Variants in ADAMTSL3 observed in about 807,000 individuals in gnomAD.
ADAMTSL3 encodes ADAMTS like 3.
A neutral mutation model predicts 201.7 loss-of-function variants in ADAMTSL3; 128 were observed. The ratio of observed to expected loss-of-function variants is 0.63; its 90% CI spans 0.55 to 0.73. ADAMTSL3 has a LOEUF of 0.73. Among genes scored for constraint, ADAMTSL3 ranks in the 30% least tolerant of loss-of-function variants. The pLI, the probability that ADAMTSL3 is intolerant of heterozygous loss-of-function variation, is 0.00. For missense variants in ADAMTSL3, 1,990 were observed against 2,119.6 expected (o/e 0.94, Z 1.20); for synonymous variants, 738 against 748.4 (o/e 0.99, Z 0.23).
At chr15:83,892,363 A>G (rs1596365873) in intron 12 of ADAMTSL3, among the ~76,000 whole-genome samples, 1 of 149,590 alleles carries the variant, frequency 6.7e-6, no homozygotes, top group African/African-American at 2.5e-5. Context: ...AACCCTGTCT[A>G]TACTAAAAAT....
At chr15:83,674,750 TATACACACATATATAC>T (rs1226113174) in intron 2 of ADAMTSL3, among the ~76,000 whole-genome samples, 9 of 112,686 alleles carry the variant, frequency 8.0e-5, no homozygotes, top group East Asian at 4.3e-4. Context: ...TATATACATA[TATACACACATATATAC>T]ATATATATAT....
At chr15:83,717,750 C>T (rs1158372947) in intron 3 of ADAMTSL3, among the ~76,000 whole-genome samples, 2 of 152,074 alleles carry the variant, frequency 1.3e-5, no homozygotes, top group African/African-American at 4.8e-5. Context: ...GTGGTAACCA[C>T]ATAGAGAAGA....
At position 83,754,938 on chromosome 15, in the gene ADAMTSL3, A is replaced by G. The variant is rs142069146; in HGVS notation, c.190-18585A>G. 2.6e-5 allele frequency among the ~76,000 whole-genome samples: 4 copies of G among 152,318 alleles called. No individual in the cohort carries two copies. In the East Asian group the frequency reaches 7.7e-4, roughly 29 times the overall value. On this transcript the variant is annotated intron_variant, in intron 3 of 29. Transcript: ENST00000286744. The stretch of plus-strand genomic sequence containing the variant: ...GTCAATGGTACTTAATTTCCCTACA[A>G]CTTTCTTCCATTCACCTTCCAGATT...
intron 17 of ADAMTSL3, among the ~76,000 whole-genome samples, chr15:83,933,246 T>TA (rs1223766841): frequency 1.3e-5 from 2 of 152,074 alleles, no homozygotes; most frequent in African/African-American, 4.8e-5. Context: ...AAAAGGTAGA[T>TA]ACAGAGGAAA....
At chr15:83,730,702 A>G (rs1193552293) in intron 3 of ADAMTSL3, among the ~76,000 whole-genome samples, 2 of 151,958 alleles carry the variant, frequency 1.3e-5, no homozygotes, top group Non-Finnish European at 2.9e-5. Context: ...TGGTTTGCAA[A>G]TATTTTGTCC....
At chr15:83,771,015 G>A (rs1462923248) in intron 3 of ADAMTSL3, among the ~76,000 whole-genome samples, 2 of 152,082 alleles carry the variant, frequency 1.3e-5, no homozygotes, top group South Asian at 2.1e-4. Context: ...AGGTGGTAGT[G>A]AGCTGAGATC....
Position 84,031,623 on chromosome 15 carries a change from T to C in ADAMTSL3, c.4754+191T>C, listed in dbSNP as rs141690737. Among the ~76,000 whole-genome samples, 206 of 152,302 alleles carry C rather than the reference T, an allele frequency of 1.4e-3. 5 individuals carry two copies. The East Asian group carries it at 0.037, about 27-fold the overall frequency. On this transcript the variant is annotated intron_variant, in intron 28 of 29. Coordinates refer to ENST00000286744, the MANE Select transcript of ADAMTSL3 (RefSeq NM_207517.3). ...GAAATACTAGTTAATGTGCACTATTTATAACTATAAATTGTTTGGATGTTA... is the reference window on the plus strand; with the variant it reads ...GAAATACTAGTTAATGTGCACTATTCATAACTATAAATTGTTTGGATGTTA...
intron 19 of ADAMTSL3, among the ~76,000 whole-genome samples, chr15:83,965,508 A>G (rs1293672960): frequency 6.6e-6 from 1 of 152,194 alleles, no homozygotes; most frequent in African/African-American, 2.4e-5. Flanking sequence ...CATGCACCCA[A>G]TACAGGAGCA....
chr15:83,744,822 A>G (rs1333638762), intron 3 of ADAMTSL3, among the ~76,000 whole-genome samples: 1 of 152,152 alleles, frequency 6.6e-6, no homozygotes, highest in African/African-American at 2.4e-5. Flanking sequence ...TGTCTTACAT[A>G]TGCCTTCCTA....
chr15:84,017,646 A>C (rs1038846282), intron 25 of ADAMTSL3, among the ~76,000 whole-genome samples: 4 of 152,256 alleles, frequency 2.6e-5, no homozygotes, highest in African/African-American at 9.6e-5. Context: ...GCCAATCAGC[A>C]ATCCATCACG....
chr15:83,795,812 G>C (rs944564630), intron 4 of ADAMTSL3, among the ~76,000 whole-genome samples: 1 of 152,096 alleles, frequency 6.6e-6, no homozygotes, highest in Admixed American at 6.6e-5. Context: ...AGGTATGGCA[G>C]CAATGAAAGA....
chr15:83,762,660 A>G (rs2062826748), intron 3 of ADAMTSL3, among the ~76,000 whole-genome samples: 1 of 152,088 alleles, frequency 6.6e-6, no homozygotes, highest in African/African-American at 2.4e-5. Flanking sequence ...TCATAACTTA[A>G]TTACCTCCTA....
Position 83,970,694 on chromosome 15 carries a change from C to T in ADAMTSL3, c.2644+57C>T, listed in dbSNP as rs563711622. 2.5e-4 allele frequency: 402 copies of T among 1,588,756 alleles called. 3 individuals carry two copies. Among genetic ancestry groups the T allele is most frequent in the East Asian group, 1.2e-3 (53 of 44,522 alleles). Reference sequence around the variant, plus strand: ...TATGCTGATTCTGTTCATTTTGTCCCGATGTCTTTATTTTCCATACGTCAA... The same window carrying T: ...TATGCTGATTCTGTTCATTTTGTCCTGATGTCTTTATTTTCCATACGTCAA... On this transcript the variant is annotated intron_variant, in intron 20 of 29. Transcript: ENST00000286744.
At chr15:83,850,548 C>T (rs914619532) in intron 7 of ADAMTSL3, among the ~76,000 whole-genome samples, 5 of 151,214 alleles carry the variant, frequency 3.3e-5, no homozygotes, top group African/African-American at 7.3e-5. Context: ...CTTTTAATCA[C>T]GTCTCCAGCT....
intron 7 of ADAMTSL3, among the ~76,000 whole-genome samples, chr15:83,845,782 C>A (rs56318004): frequency 0.1 from 15,570 of 152,180 alleles, 1,017 homozygotes; most frequent in East Asian, 0.33. Flanking sequence ...TTTAGATACA[C>A]CACAAGAATG....
chr15:83,733,257 GT>G (rs1375037791), intron 3 of ADAMTSL3, among the ~76,000 whole-genome samples: 3 of 152,210 alleles, frequency 2.0e-5, no homozygotes, highest in Non-Finnish European at 4.4e-5. Flanking sequence ...GACAGTTTCT[GT>G]TTTCAACTAG....
intron 28 of ADAMTSL3, among the ~76,000 whole-genome samples, chr15:84,032,039 C>T (rs1287100399): frequency 6.6e-6 from 1 of 152,026 alleles, no homozygotes; most frequent in African/African-American, 2.4e-5. Context: ...AGAACAGCAC[C>T]CCAGCCAGCA....
At chr15:83,733,720 G>T (rs2062321777) in intron 3 of ADAMTSL3, among the ~76,000 whole-genome samples, 2 of 151,048 alleles carry the variant, frequency 1.3e-5, no homozygotes, top group Non-Finnish European at 3.0e-5. Context: ...ACAGGGAAAT[G>T]ACTTTATTTA....
chr15:83,715,208 C>T (rs1297071093), intron 3 of ADAMTSL3, among the ~76,000 whole-genome samples: 1 of 152,148 alleles, frequency 6.6e-6, no homozygotes, highest in Non-Finnish European at 1.5e-5. Flanking sequence ...TGCTGAGCCT[C>T]ATGTCCCTGG....
Sources: gnomAD v4.1 joint callset for allele counts (sites outside exome capture counted in the v4.1 genomes callset) on GRCh38, gnomAD v4.1.1 for gene constraint, MANE v1.5 for transcripts, NCBI Gene and HGNC (gene_info 2026-07-23, HGNC 2026-07-21) for gene names.